TAFA2: variants seen among roughly 807,000 people sequenced by gnomAD.
TAFA2 encodes the protein chemokine-like protein TAFA-2.
A neutral mutation model predicts 18.8 loss-of-function variants in TAFA2; 7 were observed. That is an observed-to-expected ratio of 0.37 (90% CI 0.21 to 0.70). The LOEUF is 0.70. TAFA2 is among the 30% of genes least tolerant of loss of function. The probability of loss-of-function intolerance (pLI) is 0.53; values close to 1 mark genes in which losing one functional copy is unlikely to be tolerated. For synonymous variants in TAFA2, 60 were observed against 54.2 expected (o/e 1.11, Z -0.47); for missense variants, 122 against 158.1 (o/e 0.77, Z 1.23).
intron 1 of TAFA2, among the ~76,000 whole-genome samples, chr12:61,970,941 A>C (rs1357778270): frequency 6.6e-6 from 1 of 151,732 alleles, no homozygotes; most frequent in Non-Finnish European, 1.5e-5. Context: ...TATTTCACGA[A>C]TTTAAAACAG....
intron 4 of TAFA2, among the ~76,000 whole-genome samples, chr12:61,743,510 G>C (rs1455812999): frequency 6.6e-6 from 1 of 151,874 alleles, no homozygotes; most frequent in Non-Finnish European, 1.5e-5. Flanking sequence ...CTTTACATTT[G>C]CCTCTTTTCT....
At chr12:61,925,032 C>T (rs951260029) in intron 1 of TAFA2, among the ~76,000 whole-genome samples, 5 of 152,032 alleles carry the variant, frequency 3.3e-5, no homozygotes, top group South Asian at 2.1e-4. Context: ...AACAAGAAGA[C>T]GTAACTATAC....
At chr12:61,843,826 T>C (rs539982788) in intron 2 of TAFA2, among the ~76,000 whole-genome samples, 51 of 152,268 alleles carry the variant, frequency 3.3e-4, no homozygotes, top group African/African-American at 1.2e-3. Context: ...ACTTGTGAAG[T>C]AGCAAGCTGT....
At chr12:62,257,170 G>GTATATGTATATATACACAA (rs373610382) in intron 1 of TAFA2, among the ~76,000 whole-genome samples, 954 of 66,396 alleles carry the variant, frequency 0.014, 16 homozygotes, top group African/African-American at 0.032. Flanking sequence ...ATATGTGTGT[G>GTATATGTATATATACACAA]TGTGTGTGTG....
chr12:61,719,087 TG>T (rs895852418), intron 4 of TAFA2, among the ~76,000 whole-genome samples: 20 of 152,062 alleles, frequency 1.3e-4, no homozygotes, highest in Non-Finnish European at 2.4e-4. Flanking sequence ...TTATGGCAGT[TG>T]GGGGGGATCT....
chr12:61,859,863 G>C (rs1874057190), intron 2 of TAFA2, among the ~76,000 whole-genome samples: 1 of 152,184 alleles, frequency 6.6e-6, no homozygotes, highest in Non-Finnish European at 1.5e-5. Context: ...TGTCCTGGTT[G>C]ATAATTGCAC....
At chr12:61,838,119 A>G (rs1444829348) in intron 2 of TAFA2, among the ~76,000 whole-genome samples, 1 of 151,992 alleles carries the variant, frequency 6.6e-6, no homozygotes, top group Non-Finnish European at 1.5e-5. Context: ...CAGTCAATGT[A>G]GGAAGTAGAC....
intron 2 of TAFA2, among the ~76,000 whole-genome samples, chr12:61,825,755 T>A (rs939629789): frequency 6.6e-6 from 1 of 152,046 alleles, no homozygotes; most frequent in African/African-American, 2.4e-5. Flanking sequence ...TGAAAAGAAA[T>A]GTTTTTTGAA....
intron 2 of TAFA2, among the ~76,000 whole-genome samples, chr12:61,809,860 T>C (rs994324334): frequency 6.6e-6 from 1 of 151,264 alleles, no homozygotes; most frequent in African/African-American, 2.5e-5. Flanking sequence ...GAAATCTCAA[T>C]ACCTCCATGC....
At chr12:62,210,906 A>G (rs183012557) in intron 1 of TAFA2, among the ~76,000 whole-genome samples, 1 of 152,258 alleles carries the variant, frequency 6.6e-6, no homozygotes, top group Non-Finnish European at 1.5e-5. Flanking sequence ...CAGGGTAATG[A>G]CACACACATA....
chr12:61,934,835 T>A (rs982966566), intron 1 of TAFA2, among the ~76,000 whole-genome samples: 1 of 152,358 alleles, frequency 6.6e-6, no homozygotes, highest in African/African-American at 2.4e-5. Context: ...GACCAAAGTC[T>A]AAATATATAA....
intron 1 of TAFA2, among the ~76,000 whole-genome samples, chr12:61,868,474 G>T (rs1184543811): frequency 6.6e-6 from 1 of 152,124 alleles, no homozygotes; most frequent in South Asian, 2.1e-4. Flanking sequence ...TGCTTGACCT[G>T]AAGATTCTTG....
chr12:62,149,856 A>C (rs1178228604), intron 1 of TAFA2, among the ~76,000 whole-genome samples: 1 of 152,188 alleles, frequency 6.6e-6, no homozygotes, highest in Non-Finnish European at 1.5e-5. Flanking sequence ...AGGAACTGCA[A>C]TATGACAAAC....
chr12:61,792,892 TTTGCACAACATTATCAA>T (rs1175692887), intron 2 of TAFA2, among the ~76,000 whole-genome samples: 3 of 151,312 alleles, frequency 2.0e-5, no homozygotes, highest in African/African-American at 7.3e-5. Flanking sequence ...ATATAGAAAA[TTTGCACAACATTATCAA>T]TAAGCTTGAC....
At chr12:61,839,847 C>A (rs1247937394) in intron 2 of TAFA2, among the ~76,000 whole-genome samples, 7 of 151,674 alleles carry the variant, frequency 4.6e-5, no homozygotes, top group African/African-American at 1.7e-4. Context: ...CTACATGTAC[C>A]CCCTGAACCT....
chr12:61,719,817 G>C (rs1055434425), intron 4 of TAFA2, among the ~76,000 whole-genome samples: 4 of 152,188 alleles, frequency 2.6e-5, no homozygotes, highest in African/African-American at 9.6e-5. Flanking sequence ...GACAAAAGCA[G>C]TACCAGAAGT....
At chr12:61,849,266 AAT>A (rs1873540063) in intron 2 of TAFA2, among the ~76,000 whole-genome samples, 1 of 152,218 alleles carries the variant, frequency 6.6e-6, no homozygotes, top group African/African-American at 2.4e-5. Context: ...GTTCAGAGGT[AAT>A]ATGTTTCACC....
At chr12:62,078,000 C>T (rs983887514) in intron 1 of TAFA2, among the ~76,000 whole-genome samples, 2 of 152,176 alleles carry the variant, frequency 1.3e-5, no homozygotes, top group Admixed American at 6.5e-5. Context: ...AATCTGTTAG[C>T]CCTCCTACAT....
At chr12:61,880,498 G>A (rs745780506) in intron 1 of TAFA2, 56 of 529,874 alleles carry the variant, frequency 1.1e-4, no homozygotes, top group Non-Finnish European at 2.0e-4. Context: ...CCACCTACAA[G>A]AAGCTGCTGG....
Sources: gnomAD v4.1 joint callset for allele counts (sites outside exome capture counted in the v4.1 genomes callset) on GRCh38, gnomAD v4.1.1 for gene constraint, MANE v1.5 for transcripts, NCBI Gene and HGNC (gene_info 2026-07-23, HGNC 2026-07-21) for gene names.